Variants in SNX29 observed in about 807,000 individuals in gnomAD.
SNX29 encodes the protein sorting nexin 29.
Under a neutral mutation model 102.1 loss-of-function variants are expected in SNX29, and 78 were observed. That is an observed-to-expected ratio of 0.76 (90% confidence interval 0.64 to 0.92). The LOEUF (loss-of-function observed/expected upper bound fraction) is 0.92. Among genes scored for constraint, SNX29 ranks in the 40% least tolerant of loss-of-function variants. The pLI, the probability that SNX29 is intolerant of heterozygous loss-of-function variation, is 0.00. For missense variants in SNX29, 1,280 were observed against 1,061.7 expected (o/e 1.21, Z -2.86); for synonymous variants, 580 against 414.5 (o/e 1.40, Z -4.85).
At chr16:12,063,793 TC>T (rs1412804445) in intron 9 of SNX29, among the ~76,000 whole-genome samples, 1 of 150,550 alleles carries the variant, frequency 6.6e-6, no homozygotes. Flanking sequence ...TCAGTTGAGG[TC>T]CCCTAAAAGT....
intron 20 of SNX29, among the ~76,000 whole-genome samples, chr16:12,554,771 C>A (rs576608295): frequency 1.3e-5 from 2 of 152,120 alleles, no homozygotes; most frequent in Non-Finnish European, 1.5e-5. Context: ...TGCTCTCTCC[C>A]CCGCCATAGA....
chr16:12,455,560 C>T (rs2086500391), intron 18 of SNX29, among the ~76,000 whole-genome samples: 1 of 152,234 alleles, frequency 6.6e-6, no homozygotes, highest in Non-Finnish European at 1.5e-5. Context: ...GATCCCGGGA[C>T]CTACCTGTTT....
chr16:12,537,282 G>A (rs1006297731), intron 20 of SNX29, among the ~76,000 whole-genome samples: 1 of 152,218 alleles, frequency 6.6e-6, no homozygotes, highest in Non-Finnish European at 1.5e-5. Flanking sequence ...AAACTGGTTA[G>A]TGTGGTACAT....
intron 19 of SNX29, among the ~76,000 whole-genome samples, chr16:12,509,512 C>T (rs11645652): frequency 0.1 from 15,154 of 152,226 alleles, 822 homozygotes; most frequent in Middle Eastern, 0.12. Context: ...CAGAACATGT[C>T]GGAACCCCGT....
intron 14 of SNX29, among the ~76,000 whole-genome samples, chr16:12,269,072 T>C (rs1477807424): frequency 1.3e-5 from 2 of 152,360 alleles, no homozygotes; most frequent in East Asian, 3.9e-4. Flanking sequence ...TGAACATAAA[T>C]GTCTATATAC....
intron 13 of SNX29, among the ~76,000 whole-genome samples, chr16:12,195,050 G>T (rs2076739562): frequency 6.6e-6 from 1 of 152,246 alleles, no homozygotes; most frequent in South Asian, 2.1e-4. Flanking sequence ...TAACGTTGTG[G>T]TCTATACATT....
At chr16:12,421,377 T>C (rs139915917) in intron 18 of SNX29, among the ~76,000 whole-genome samples, 6 of 152,198 alleles carry the variant, frequency 3.9e-5, no homozygotes, top group African/African-American at 9.7e-5. Flanking sequence ...CAAAGGAGGT[T>C]TGGAGACCAA....
At chr16:12,394,622 A>G (rs1478080208) in intron 16 of SNX29, among the ~76,000 whole-genome samples, 1 of 152,064 alleles carries the variant, frequency 6.6e-6, no homozygotes, top group Non-Finnish European at 1.5e-5. Context: ...TGGTGCTCTC[A>G]TTTATCTGGT....
Position 12,070,569 on chromosome 16 carries a change from G to T in SNX29, c.1319+1437G>T, listed in dbSNP as rs376315024. On this transcript the variant is annotated intron_variant, in intron 10 of 20. Transcript: ENST00000566228. ...ATATGTGCCACATTTTCTTAATCCA[G>T]TCTATCTTTGTTGGACATTCGGGTT... Among the ~76,000 whole-genome samples the T allele has an allele frequency of 5.3e-5, 8 of 151,854 alleles. No homozygotes were observed. The South Asian group carries it at 1.2e-3, about 24-fold the overall frequency.
chr16:12,478,338 G>A (rs917945171), intron 19 of SNX29, among the ~76,000 whole-genome samples: 6 of 152,196 alleles, frequency 3.9e-5, no homozygotes, highest in Non-Finnish European at 8.8e-5. Flanking sequence ...GTTTTCATCC[G>A]TAGTTGTCAT....
intron 13 of SNX29, among the ~76,000 whole-genome samples, chr16:12,165,788 T>G (rs953948336): frequency 3.3e-5 from 5 of 152,250 alleles, no homozygotes; most frequent in African/African-American, 1.2e-4. Flanking sequence ...GGTCTCGAAC[T>G]CCTGGCCTCA....
At chr16:12,521,932 G>C (rs2090116696) in intron 19 of SNX29, among the ~76,000 whole-genome samples, 1 of 152,218 alleles carries the variant, frequency 6.6e-6, no homozygotes, top group Non-Finnish European at 1.5e-5. Flanking sequence ...GACTGATGGT[G>C]ACATTGGAGT....
At chr16:12,218,884 C>T (rs542355379) in intron 14 of SNX29, among the ~76,000 whole-genome samples, 1 of 152,270 alleles carries the variant, frequency 6.6e-6, no homozygotes, top group South Asian at 2.1e-4. Context: ...ACGCCATTCT[C>T]CTGCCTCAGC....
At chr16:12,079,637 T>G (rs1481928013) in intron 11 of SNX29, among the ~76,000 whole-genome samples, 1 of 152,110 alleles carries the variant, frequency 6.6e-6, no homozygotes, top group Admixed American at 6.5e-5. Flanking sequence ...AGTTGGTTTA[T>G]TTTTTGTACA....
Position 12,013,363 on chromosome 16 carries a change from G to A in SNX29, c.122+10320G>A, listed in dbSNP as rs1241046068. On this transcript the variant is annotated intron_variant, in intron 3 of 20. Coordinates refer to ENST00000566228, the MANE Select transcript of SNX29 (RefSeq NM_032167.5). The stretch of plus-strand genomic sequence containing the variant: ...ACAACAGTCAAGATTATTGTTAGTG[G>A]CCAGGCACGGTGGTTCACGCCTGTA... 3.3e-5 allele frequency among the ~76,000 whole-genome samples: 5 copies of A among 149,912 alleles called. No homozygotes were observed. In the Admixed American group the frequency reaches 3.4e-4, roughly 10 times the overall value.
At chr16:12,537,034 G>A (rs1203863289) in intron 20 of SNX29, among the ~76,000 whole-genome samples, 1 of 152,172 alleles carries the variant, frequency 6.6e-6, no homozygotes, top group Non-Finnish European at 1.5e-5. Context: ...GGAGCACACA[G>A]CAAGCACATT....
intron 19 of SNX29, among the ~76,000 whole-genome samples, chr16:12,490,072 C>T (rs2088467283): frequency 2.0e-5 from 3 of 152,186 alleles, no homozygotes; most frequent in Admixed American, 1.3e-4. Flanking sequence ...TCCCAAAGTG[C>T]TGGGATTACA....
chr16:12,543,200 C>G (rs1057095044), intron 20 of SNX29, among the ~76,000 whole-genome samples: 1 of 152,202 alleles, frequency 6.6e-6, no homozygotes, highest in Non-Finnish European at 1.5e-5. Flanking sequence ...AAATCATATT[C>G]ATCACGTTGC....
At chr16:12,055,825 A>G (rs1387527325) in intron 8 of SNX29, among the ~76,000 whole-genome samples, 2 of 152,168 alleles carry the variant, frequency 1.3e-5, no homozygotes, top group Non-Finnish European at 2.9e-5. Context: ...TGTTTGACCA[A>G]ATACCTGGGT....
Sources: gnomAD v4.1 joint callset for allele counts (sites outside exome capture counted in the v4.1 genomes callset) on GRCh38, gnomAD v4.1.1 for gene constraint, MANE v1.5 for transcripts, NCBI Gene and HGNC (gene_info 2026-07-23, HGNC 2026-07-21) for gene names.